INSL6: variants seen among roughly 807,000 people sequenced by gnomAD.
The protein encoded by INSL6 is insulin like 6, also known as insulin-like peptide INSL6.
A neutral mutation model predicts 9.4 loss-of-function variants in INSL6; 16 were observed. That is an observed-to-expected ratio of 1.70 (90% CI 1.15 to 2.59). INSL6 has a LOEUF of 2.59. Among genes scored for constraint, INSL6 ranks in the 30% most tolerant of loss-of-function variants. The probability of loss-of-function intolerance (pLI) is 0.00; values close to 1 mark genes in which losing one functional copy is unlikely to be tolerated. For synonymous variants in INSL6, 154 were observed against 96.9 expected (o/e 1.59, Z -3.46); for missense variants, 391 against 257.3 (o/e 1.52, Z -3.56).
intron 1 of INSL6, among the ~76,000 whole-genome samples, chr9:5,175,607 C>G (rs552053512): frequency 2.0e-5 from 3 of 152,106 alleles, no homozygotes; most frequent in Non-Finnish European, 2.9e-5. Flanking sequence ...GGCAGGCGAG[C>G]GAGCAAAGCT....
At chr9:5,119,038 CTAT>C (rs1337778729), downstream of INSL6, among the ~76,000 whole-genome samples, 9 of 152,190 alleles carry the variant, frequency 5.9e-5, no homozygotes, top group South Asian at 8.3e-4. Flanking sequence ...AAAAAACAGA[CTAT>C]TATTAATACA....
chr9:5,120,171 A>C (rs978490744), downstream of INSL6, among the ~76,000 whole-genome samples: 2 of 152,184 alleles, frequency 1.3e-5, no homozygotes, highest in African/African-American at 4.8e-5. Flanking sequence ...TTCAGAGAGG[A>C]GGAACACCAT....
At chr9:5,007,617 T>C in the INSL6 span, among the ~76,000 whole-genome samples, 1 of 152,146 alleles carries the variant, frequency 6.6e-6, no homozygotes, top group Non-Finnish European at 1.5e-5. Context: ...ATACTTTTAT[T>C]AGGTTGACGC....
chr9:5,183,153 C>G (rs1370499405), intron 1 of INSL6, among the ~76,000 whole-genome samples: 1 of 152,142 alleles, frequency 6.6e-6, no homozygotes, highest in Non-Finnish European at 1.5e-5. Context: ...ATATACATCT[C>G]TGCAACTTCT....
At chr9:5,050,815 A>G in the INSL6 span, 1 of 1,613,390 alleles carries the variant, frequency 6.2e-7, no homozygotes, top group Non-Finnish European at 8.5e-7. Flanking sequence ...CCCACTGGCC[A>G]TCTATAACTC....
At chr9:5,158,696 A>C (rs991376105) in intron 2 of INSL6, among the ~76,000 whole-genome samples, 1 of 152,156 alleles carries the variant, frequency 6.6e-6, no homozygotes, top group African/African-American at 2.4e-5. Context: ...AGAAAGAAAA[A>C]AAGAAAAAAT....
chr9:5,019,497 TATC>T, the INSL6 span, among the ~76,000 whole-genome samples: 1 of 152,178 alleles, frequency 6.6e-6, no homozygotes, highest in Non-Finnish European at 1.5e-5. Flanking sequence ...GCTTCTTTAA[TATC>T]ATTATTTTTA....
the INSL6 span, among the ~76,000 whole-genome samples, chr9:5,074,028 G>A: frequency 6.6e-6 from 1 of 152,136 alleles, no homozygotes; most frequent in African/African-American, 2.4e-5. Flanking sequence ...GTAAACAAAT[G>A]TCTATAAAAC....
chr9:5,120,843 A>G (rs1823561967), downstream of INSL6, among the ~76,000 whole-genome samples: 1 of 152,212 alleles, frequency 6.6e-6, no homozygotes, highest in South Asian at 2.1e-4. Context: ...GAGCAGCTAA[A>G]TAGATTGTGA....
Position 5,164,105 on chromosome 9 carries a change from T to A in INSL6, c.450A>T (p.Lys150Asn). The A allele has an allele frequency of 6.2e-7, 1 of 1,612,764 alleles. No homozygotes were observed. The highest frequency in any genetic ancestry group is 8.5e-7 in the Non-Finnish European group (1 of 1,179,674). Residue 150 changes from lysine to asparagine, a missense_variant, in exon 2 of 2, where the codon AAA (lysine) becomes AAT (asparagine). Physicochemically the swap from Lys to Asn is moderately conservative, Grantham distance 94. Transcript: ENST00000381641. ...TTAAGGTTTTAATTTTGTTTCTACGTTTCTTCTGAAATTTTGCATTCTCAT... is the reference window on the plus strand; with the variant it reads ...TTAAGGTTTTAATTTTGTTTCTACGATTCTTCTGAAATTTTGCATTCTCAT... ...YIHENAKFQKKRRNKIKTLSN... is the reference protein window; with the variant it reads ...YIHENAKFQKNRRNKIKTLSN...
At chr9:5,035,760 C>T in the INSL6 span, among the ~76,000 whole-genome samples, 1 of 152,024 alleles carries the variant, frequency 6.6e-6, no homozygotes, top group South Asian at 2.1e-4. Context: ...TATGACATAC[C>T]GACAGCCAAT....
At chr9:5,044,367 T>C in the INSL6 span, 4 of 1,336,242 alleles carry the variant, frequency 3.0e-6, no homozygotes, top group Non-Finnish European at 4.3e-6. Context: ...ATTTGAACTA[T>C]TTGGAAGCTG....
the INSL6 span, among the ~76,000 whole-genome samples, chr9:5,101,711 G>T: frequency 4.7e-4 from 72 of 152,318 alleles, no homozygotes; most frequent in African/African-American, 1.6e-3. Context: ...TGGCTGTTCT[G>T]CAATATTTGC....
chr9:5,050,531 A>G, the INSL6 span, among the ~76,000 whole-genome samples: 1 of 152,196 alleles, frequency 6.6e-6, no homozygotes, highest in Non-Finnish European at 1.5e-5. Context: ...TTGGCCTCCC[A>G]AAGTTCTGGG....
chr9:5,169,995 T>C (rs888058263), intron 1 of INSL6, among the ~76,000 whole-genome samples: 1 of 152,158 alleles, frequency 6.6e-6, no homozygotes, highest in African/African-American at 2.4e-5. Context: ...AGGACTTGAA[T>C]TCAACTCTGG....
the INSL6 span, among the ~76,000 whole-genome samples, chr9:5,079,642 T>TAA: frequency 8.1e-5 from 12 of 147,480 alleles, no homozygotes; most frequent in African/African-American, 3.0e-4. Flanking sequence ...ATAAACTATA[T>TAA]AAAAAAAAAA....
At chr9:5,183,350 A>G (rs1030360639) in intron 1 of INSL6, among the ~76,000 whole-genome samples, 2 of 152,158 alleles carry the variant, frequency 1.3e-5, no homozygotes, top group African/African-American at 4.8e-5. Flanking sequence ...TCTTTTACAT[A>G]GTTTCCATAG....
intron 1 of INSL6, among the ~76,000 whole-genome samples, chr9:5,184,091 G>A (rs1009132327): frequency 1.3e-5 from 2 of 152,152 alleles, no homozygotes; most frequent in African/African-American, 4.8e-5. Context: ...TCAGTCTCAT[G>A]GTTTCTGTCT....
the INSL6 span, among the ~76,000 whole-genome samples, chr9:5,007,897 T>G: frequency 6.6e-6 from 1 of 152,014 alleles, no homozygotes; most frequent in Admixed American, 6.6e-5. Flanking sequence ...CTGGCTAATT[T>G]TTGTGTTTTC....
Sources: gnomAD v4.1 joint callset for allele counts (sites outside exome capture counted in the v4.1 genomes callset) on GRCh38, gnomAD v4.1.1 for gene constraint, MANE v1.5 for transcripts, NCBI Gene and HGNC (gene_info 2026-07-23, HGNC 2026-07-21) for gene names.